Variants in RIMS2 observed in about 807,000 individuals in gnomAD.
The protein encoded by RIMS2 is regulating synaptic membrane exocytosis 2, also known as regulating synaptic membrane exocytosis protein 2.
A neutral mutation model predicts 174.4 loss-of-function variants in RIMS2; 59 were observed. The observed-to-expected ratio is 0.34, with a 90% CI of 0.27 to 0.42. The LOEUF is 0.42. RIMS2 is among the 10% of genes least tolerant of loss of function. The pLI is 1.00. For missense variants in RIMS2, 1,620 were observed against 1,666.3 expected (o/e 0.97, Z 0.48); for synonymous variants, 606 against 572.5 (o/e 1.06, Z -0.84).
intron 18 of RIMS2, among the ~76,000 whole-genome samples, chr8:104,013,921 A>C (rs1287487449): frequency 6.6e-6 from 1 of 152,190 alleles, no homozygotes; most frequent in East Asian, 1.9e-4. Context: ...ATGAGAAACT[A>C]TCTGTGTCCA....
rs139700218 is a variant in RIMS2 at position 103,891,728 on chromosome 8, T to C, written c.1624+5505T>C. Reference sequence around the variant, plus strand: ...AGTTTTCTAGCTATAAATTATGAAATGTTTGAATCAATTCTTACAGTTTTG... The same window carrying C: ...AGTTTTCTAGCTATAAATTATGAAACGTTTGAATCAATTCTTACAGTTTTG... On this transcript the variant is annotated intron_variant, in intron 4 of 23. Transcript: ENST00000504942. Among the ~76,000 whole-genome samples the C allele has an allele frequency of 3.1e-3, 469 of 152,228 alleles. 4 individuals are homozygous for C. Among genetic ancestry groups the C allele is most frequent in the African/African-American group, 0.011 (442 of 41,556 alleles).
chr8:103,515,645 A>G (rs1276950873), intron 1 of RIMS2, among the ~76,000 whole-genome samples: 2 of 152,134 alleles, frequency 1.3e-5, no homozygotes, highest in African/African-American at 4.8e-5. Flanking sequence ...TTCATATCTA[A>G]AGGCAAAATT....
chr8:104,117,921 G>A (rs1368545984), intron 19 of RIMS2, among the ~76,000 whole-genome samples: 8 of 152,162 alleles, frequency 5.3e-5, no homozygotes, highest in Non-Finnish European at 7.4e-5. Flanking sequence ...ATTCTTAAGC[G>A]TTGAATTGAT....
At chr8:104,000,940 A>T (rs2095358655) in intron 17 of RIMS2, among the ~76,000 whole-genome samples, 1 of 151,818 alleles carries the variant, frequency 6.6e-6, no homozygotes, top group African/African-American at 2.4e-5. Context: ...GAGTTGTTTG[A>T]GTTCCTTATA....
intron 1 of RIMS2, among the ~76,000 whole-genome samples, chr8:103,610,384 A>T (rs1329338605): frequency 6.6e-6 from 1 of 152,254 alleles, no homozygotes; most frequent in South Asian, 2.1e-4. Flanking sequence ...AGGAGTGGTG[A>T]TAGAGGGCAT....
intron 4 of RIMS2, among the ~76,000 whole-genome samples, chr8:103,891,197 C>T (rs1205885752): frequency 2.0e-5 from 3 of 152,022 alleles, no homozygotes; most frequent in South Asian, 2.1e-4. Context: ...GAGTAGAAAA[C>T]ATCAAAGTCA....
At chr8:104,171,864 G>T (rs1274152856) in intron 19 of RIMS2, among the ~76,000 whole-genome samples, 3 of 151,950 alleles carry the variant, frequency 2.0e-5, no homozygotes, top group Non-Finnish European at 4.4e-5. Flanking sequence ...AATGTTTATT[G>T]TTTATTATAG....
intron 17 of RIMS2, chr8:103,998,395 C>A: frequency 2.1e-6 from 1 of 482,826 alleles, no homozygotes; most frequent in Non-Finnish European, 3.6e-6. Flanking sequence ...CATAAAATAA[C>A]ATGAAATAAA....
At chr8:103,899,150 T>C (rs909778441) in intron 4 of RIMS2, among the ~76,000 whole-genome samples, 1 of 151,778 alleles carries the variant, frequency 6.6e-6, no homozygotes, top group Non-Finnish European at 1.5e-5. Flanking sequence ...GTTCCAACTC[T>C]TTGCTATTGT....
chr8:103,795,478 A>T (rs990143575), intron 3 of RIMS2, among the ~76,000 whole-genome samples: 3 of 152,126 alleles, frequency 2.0e-5, no homozygotes, highest in Admixed American at 1.3e-4. Context: ...CATATACCTA[A>T]TGAAAATGAG....
intron 19 of RIMS2, among the ~76,000 whole-genome samples, chr8:104,164,244 A>C (rs904643533): frequency 3.3e-5 from 5 of 152,316 alleles, no homozygotes; most frequent in South Asian, 4.1e-4. Flanking sequence ...GCCATCAGTC[A>C]GAATTCCTCT....
intron 1 of RIMS2, among the ~76,000 whole-genome samples, chr8:103,627,745 C>A (rs556520723): frequency 6.6e-6 from 1 of 152,330 alleles, no homozygotes; most frequent in South Asian, 2.1e-4. Context: ...CAATGGAGAA[C>A]TACTGACTTA....
intron 19 of RIMS2, among the ~76,000 whole-genome samples, chr8:104,237,951 A>C (rs1008664842): frequency 6.6e-6 from 1 of 152,156 alleles, no homozygotes; most frequent in Non-Finnish European, 1.5e-5. Flanking sequence ...AAATAAATAA[A>C]CATCTTTCAT....
At chr8:103,517,673 G>A (rs1264859873) in intron 1 of RIMS2, among the ~76,000 whole-genome samples, 1 of 152,146 alleles carries the variant, frequency 6.6e-6, no homozygotes, top group Non-Finnish European at 1.5e-5. Context: ...TGCCTGTAGT[G>A]TCAGTGCCTA....
At chr8:104,182,783 A>G (rs2098947626) in intron 19 of RIMS2, among the ~76,000 whole-genome samples, 1 of 151,732 alleles carries the variant, frequency 6.6e-6, no homozygotes, top group Admixed American at 6.6e-5. Context: ...TATCGGTTTT[A>G]TAGGTGTGCA....
At chr8:103,803,084 A>C (rs2098625334) in intron 3 of RIMS2, among the ~76,000 whole-genome samples, 1 of 152,080 alleles carries the variant, frequency 6.6e-6, no homozygotes, top group Non-Finnish European at 1.5e-5. Flanking sequence ...CCCTGCTCTA[A>C]CTGTGCATGG....
At chr8:103,925,666 C>A (rs906659923) in intron 10 of RIMS2, among the ~76,000 whole-genome samples, 1 of 151,478 alleles carries the variant, frequency 6.6e-6, no homozygotes, top group Admixed American at 6.6e-5. Flanking sequence ...ATAGTAATTA[C>A]AAATTACAGT....
intron 19 of RIMS2, among the ~76,000 whole-genome samples, chr8:104,193,028 A>G (rs1327750139): frequency 6.6e-6 from 1 of 151,688 alleles, no homozygotes; most frequent in Non-Finnish European, 1.5e-5. Flanking sequence ...CACTGAGAGA[A>G]AGAGTCTGCT....
In RIMS2 at chr8:103,576,707, G is replaced by A. The variant is rs112142895; in HGVS notation, c.176+75645G>A. On this transcript the variant is annotated intron_variant, in intron 1 of 23. Transcript: ENST00000504942. ...AGGCTACAGTAACCAAAGTAGCGTG[G>A]TATTGGTACCAAAACAGATATATAG... Among the ~76,000 whole-genome samples the A allele has an allele frequency of 5.0e-3, 768 of 152,286 alleles. 8 individuals carry two copies. Among genetic ancestry groups the A allele is most frequent in the African/African-American group, 0.017 (727 of 41,550 alleles).
Sources: allele counts gnomAD v4.1 joint callset (sites outside exome capture counted in the v4.1 genomes callset), GRCh38; gene constraint gnomAD v4.1.1; transcripts MANE v1.5; gene names NCBI Gene and HGNC (gene_info 2026-07-23, HGNC 2026-07-21).